FSTL4: variants seen among roughly 807,000 people sequenced by gnomAD.
The protein encoded by FSTL4 is follistatin like 4.
FSTL4 carries 28 observed loss-of-function variants against 78.2 expected under a neutral mutation model. That is an observed-to-expected ratio of 0.36 (90% CI 0.27 to 0.49). The LOEUF is 0.49. Ranked by LOEUF, FSTL4 falls within the 20% of genes least tolerant of loss-of-function variation. The probability of loss-of-function intolerance (pLI) is 0.98; values close to 1 mark genes in which losing one functional copy is unlikely to be tolerated. For synonymous variants in FSTL4, 422 were observed against 440.5 expected, an observed-to-expected ratio of 0.96 and a Z score of 0.53; for missense variants, 922 against 1,084.9, an observed-to-expected ratio of 0.85 and a Z score of 2.11.
intron 1 of FSTL4, among the ~76,000 whole-genome samples, chr5:133,605,074 T>A (rs1035243445): frequency 6.6e-6 from 1 of 152,242 alleles, no homozygotes; most frequent in African/African-American, 2.4e-5. Context: ...ATACAGACTA[T>A]CTTACTTGTC....
chr5:133,296,121 C>T (rs1753389829), intron 6 of FSTL4, among the ~76,000 whole-genome samples: 1 of 152,222 alleles, frequency 6.6e-6, no homozygotes, highest in Non-Finnish European at 1.5e-5. Flanking sequence ...TCCTCTGTCT[C>T]AGTTAATGGC....
At chr5:133,562,371 C>T (rs1254075743) in intron 3 of FSTL4, among the ~76,000 whole-genome samples, 1 of 152,140 alleles carries the variant, frequency 6.6e-6, no homozygotes, top group Non-Finnish European at 1.5e-5. Context: ...GAAGTTCACC[C>T]AGATGCAGAG....
chr5:133,572,592 T>C (rs966661400), intron 2 of FSTL4, among the ~76,000 whole-genome samples: 11 of 152,202 alleles, frequency 7.2e-5, no homozygotes, highest in Middle Eastern at 3.4e-3. Flanking sequence ...TGTATAGCTA[T>C]GCAAGAAGAA....
At chr5:133,670,566 AATT>A in the FSTL4 span, among the ~76,000 whole-genome samples, 1 of 152,194 alleles carries the variant, frequency 6.6e-6, no homozygotes, top group African/African-American at 2.4e-5. Flanking sequence ...GGGATTTCAG[AATT>A]ATTATGGAGT....
chr5:133,537,777 C>G (rs1441733420), intron 3 of FSTL4, among the ~76,000 whole-genome samples: 1 of 149,668 alleles, frequency 6.7e-6, no homozygotes. Flanking sequence ...TATCATTTCT[C>G]TCTCACATAT....
In FSTL4 at chr5:133,554,424, G is replaced by A. The variant is rs1178254334; in HGVS notation, c.160+12762C>T. Among the ~76,000 whole-genome samples the A allele has an allele frequency of 9.2e-5, 14 of 152,220 alleles. 1 individual carries two copies. The highest frequency in any genetic ancestry group is 4.1e-4 in the South Asian group (2 of 4,830). ...ATGGATCCTGCTGTCAGCAATGGATGAGCATTGAGCTAATAGATGTCAAAC... is the reference window on the plus strand; with the variant it reads ...ATGGATCCTGCTGTCAGCAATGGATAAGCATTGAGCTAATAGATGTCAAAC... On this transcript the variant is annotated intron_variant, in intron 3 of 15. Transcript: ENST00000265342.
chr5:133,595,125 G>A (rs1000662419), intron 2 of FSTL4, among the ~76,000 whole-genome samples: 3 of 152,204 alleles, frequency 2.0e-5, no homozygotes, highest in African/African-American at 4.8e-5. Context: ...AGTGATGCTG[G>A]CCTCTGCAGA....
At chr5:133,233,901 T>C (rs990605125) in intron 7 of FSTL4, among the ~76,000 whole-genome samples, 5 of 152,162 alleles carry the variant, frequency 3.3e-5, no homozygotes, top group African/African-American at 1.2e-4. Flanking sequence ...GCTCACCTGA[T>C]GAGCAGCTCT....
At chr5:133,771,714 G>A in the FSTL4 span, among the ~76,000 whole-genome samples, 56 of 152,048 alleles carry the variant, frequency 3.7e-4, 1 homozygote, top group East Asian at 9.1e-3. Flanking sequence ...TTTCCAATCT[G>A]GATGCCTTTT....
intron 14 of FSTL4, among the ~76,000 whole-genome samples, chr5:133,204,668 C>CA (rs1185696269): frequency 1.3e-5 from 2 of 151,844 alleles, no homozygotes; most frequent in Non-Finnish European, 2.9e-5. Context: ...CCCATCTCTA[C>CA]AAAAAATACA....
In FSTL4 at chr5:133,220,858, C is replaced by G. The variant is rs766582884; in HGVS notation, c.1348G>C (p.Val450Leu). The G allele has an allele frequency of 1.3e-6, 2 of 1,596,146 alleles. No homozygotes were observed. Among genetic ancestry groups the G allele is most frequent in the East Asian group, 2.2e-5 (1 of 44,798 alleles). Residue 450 changes from valine to leucine, a missense_variant, in exon 12 of 16, where the codon GTG (valine) becomes CTG (leucine). By Grantham distance (32) the Val-to-Leu change is conservative. Coordinates refer to ENST00000265342, the MANE Select transcript of FSTL4 (RefSeq NM_015082.2). Reference sequence around the variant, plus strand: ...GAGAAGACATAGAACATGTTTCCCACGCTGAGGCCTGGGAGGAGCAAATGG... The same window carrying G: ...GAGAAGACATAGAACATGTTTCCCAGGCTGAGGCCTGGGAGGAGCAAATGG... ...NILWREEGLS[V>L]GNMFYVFSDD...
the FSTL4 span, among the ~76,000 whole-genome samples, chr5:133,649,399 A>G: frequency 6.6e-6 from 1 of 152,186 alleles, no homozygotes; most frequent in Non-Finnish European, 1.5e-5. Flanking sequence ...ACTGAATCTT[A>G]TGGTAAAAGT....
chr5:133,492,649 T>C (rs1224058655), intron 3 of FSTL4, among the ~76,000 whole-genome samples: 3 of 152,206 alleles, frequency 2.0e-5, no homozygotes. Context: ...CAGATCATTG[T>C]AACATAATTT....
intron 3 of FSTL4, among the ~76,000 whole-genome samples, chr5:133,418,543 T>C (rs547838764): frequency 4.1e-4 from 63 of 152,248 alleles, no homozygotes; most frequent in Admixed American, 3.5e-3. Flanking sequence ...GAAATGGTTA[T>C]AGAAATAAGG....
chr5:133,349,293 C>CTGTG (rs1297491221), intron 4 of FSTL4, among the ~76,000 whole-genome samples: 371 of 99,288 alleles, frequency 3.7e-3, no homozygotes, highest in African/African-American at 0.012. Flanking sequence ...AAGCCTCTCT[C>CTGTG]TCTGTGTGTG....
At chr5:133,332,501 G>A (rs1407894184) in intron 4 of FSTL4, among the ~76,000 whole-genome samples, 3 of 152,206 alleles carry the variant, frequency 2.0e-5, no homozygotes, top group Non-Finnish European at 4.4e-5. Context: ...CCGGAGAGGC[G>A]GAGCCAGTGG....
At chr5:133,517,437 A>AT (rs1561453724) in intron 3 of FSTL4, among the ~76,000 whole-genome samples, 1 of 32,324 alleles carries the variant, frequency 3.1e-5, no homozygotes, top group African/African-American at 1.5e-4. Context: ...AAAAAAAAAA[A>AT]AAAAAAAAAA....
intron 3 of FSTL4, among the ~76,000 whole-genome samples, chr5:133,403,643 G>T (rs1756289777): frequency 6.6e-6 from 1 of 152,206 alleles, no homozygotes; most frequent in Non-Finnish European, 1.5e-5. Flanking sequence ...ATTTTCCCTT[G>T]CCTTCTCCAA....
intron 13 of FSTL4, among the ~76,000 whole-genome samples, chr5:133,213,772 G>A (rs1750819420): frequency 6.6e-6 from 1 of 152,110 alleles, no homozygotes; most frequent in South Asian, 2.1e-4. Context: ...AATTAATTAT[G>A]TTAAACATAA....
Sources: gnomAD v4.1 joint callset for allele counts (sites outside exome capture counted in the v4.1 genomes callset) on GRCh38, gnomAD v4.1.1 for gene constraint, MANE v1.5 for transcripts, NCBI Gene and HGNC (gene_info 2026-07-23, HGNC 2026-07-21) for gene names.